The following ZHX3 variants were observed in gnomAD, a reference collection of about 807,000 sequenced individuals.
The protein encoded by ZHX3 is zinc fingers and homeoboxes 3.
ZHX3 carries 20 observed loss-of-function variants against 64.5 expected under a neutral mutation model. The ratio of observed to expected loss-of-function variants is 0.31; its 90% CI spans 0.22 to 0.45. The LOEUF (loss-of-function observed/expected upper bound fraction) is 0.45, where lower values mean the gene tolerates loss of function less well. Among genes scored for constraint, ZHX3 ranks in the 20% least tolerant of loss-of-function variants. The pLI is 1.00. For synonymous variants in ZHX3, 423 were observed against 461.6 expected (o/e 0.92, Z 1.07); for missense variants, 1,041 against 1,195.8 (o/e 0.87, Z 1.91).
chr20:41,305,897 A>T (rs2044965436), intron 1 of ZHX3, among the ~76,000 whole-genome samples: 1 of 152,176 alleles, frequency 6.6e-6, no homozygotes, highest in Non-Finnish European at 1.5e-5. Flanking sequence ...ATCTTCTACT[A>T]TTTACAAAGA....
intron 3 of ZHX3, among the ~76,000 whole-genome samples, chr20:41,186,240 G>C (rs2036512445): frequency 6.6e-6 from 1 of 152,138 alleles, no homozygotes; most frequent in Non-Finnish European, 1.5e-5. Context: ...CCTCATGTAA[G>C]TTGAATGGTA....
At chr20:41,235,629 G>C (rs1045740924) in intron 2 of ZHX3, among the ~76,000 whole-genome samples, 1 of 151,882 alleles carries the variant, frequency 6.6e-6, no homozygotes, top group Non-Finnish European at 1.5e-5. Context: ...TCTCAAAATA[G>C]TAAGAGCTAT....
intron 1 of ZHX3, among the ~76,000 whole-genome samples, chr20:41,275,570 C>G (rs2043339984): frequency 6.6e-6 from 1 of 152,208 alleles, no homozygotes; most frequent in African/African-American, 2.4e-5. Context: ...TGGACTCCTG[C>G]TGGCTGAGTC....
intron 2 of ZHX3, among the ~76,000 whole-genome samples, chr20:41,227,937 G>A (rs1200501374): frequency 1.3e-5 from 2 of 151,974 alleles, no homozygotes; most frequent in African/African-American, 2.4e-5. Context: ...CCTCCCCCAT[G>A]CCAGACTGCC....
chr20:41,258,693 A>G (rs1339151057), intron 2 of ZHX3, among the ~76,000 whole-genome samples: 1 of 152,148 alleles, frequency 6.6e-6, no homozygotes, highest in Non-Finnish European at 1.5e-5. Flanking sequence ...CATGATGTTG[A>G]TATGTCTTAT....
intron 1 of ZHX3, among the ~76,000 whole-genome samples, chr20:41,302,846 A>G (rs992731659): frequency 1.3e-5 from 2 of 152,188 alleles, no homozygotes; most frequent in Non-Finnish European, 1.5e-5. Context: ...AGAAATGTCT[A>G]CTGTTTTAAG....
At chr20:41,289,457 C>A (rs554935813) in intron 1 of ZHX3, among the ~76,000 whole-genome samples, 1 of 152,148 alleles carries the variant, frequency 6.6e-6, no homozygotes, top group South Asian at 2.1e-4. Context: ...TAACGGTGCT[C>A]CTTGTTTTAC....
intron 3 of ZHX3, among the ~76,000 whole-genome samples, chr20:41,192,634 C>T (rs1174946721): frequency 6.6e-6 from 1 of 152,212 alleles, no homozygotes; most frequent in African/African-American, 2.4e-5. Context: ...CTGCAGTAAC[C>T]CAGTCACTTA....
At chr20:41,270,129 C>T (rs1044488394) in intron 1 of ZHX3, among the ~76,000 whole-genome samples, 3 of 152,148 alleles carry the variant, frequency 2.0e-5, no homozygotes, top group East Asian at 1.9e-4. Context: ...CGGTGGCTCA[C>T]GCCTGTAATC....
intron 2 of ZHX3, among the ~76,000 whole-genome samples, chr20:41,220,663 T>G (rs563539210): frequency 2.0e-5 from 3 of 149,526 alleles, no homozygotes; most frequent in East Asian, 2.0e-4. Context: ...TATGATACAG[T>G]TTTTTTTGGT....
rs2039194481 is a variant in ZHX3 at position 41,212,040 on chromosome 20, T to C, written c.-150-6974A>G. 6.6e-6 allele frequency among the ~76,000 whole-genome samples: 1 copy of C among 152,050 alleles called. No individual in the cohort carries two copies. The highest frequency in any genetic ancestry group is 1.5e-5 in the Non-Finnish European group (1 of 68,018). ...CACAAACGACAAAAGAAAAAACAGA[T>C]AAATTGGATGTCATCAAAATTAAAA... On this transcript the variant is annotated intron_variant, in intron 2 of 3. Transcript: ENST00000683867. The surrounding 1 kb of genome is among the most constrained non-coding windows in gnomAD (Gnocchi z 4.3).
Position 41,250,693 on chromosome 20 carries a change from G to A in ZHX3, c.-151+18297C>T, listed in dbSNP as rs1277521955. On this transcript the variant is annotated intron_variant, in intron 2 of 3. Transcript: ENST00000683867. The stretch of plus-strand genomic sequence containing the variant: ...GGACATAAACCTAGATTCAGAAGGT[G>A]AACATATCCCAAATAGGATAAACTC... Among the ~76,000 whole-genome samples, 3 of 152,344 alleles carry A rather than the reference G, an allele frequency of 2.0e-5. No homozygotes were observed. In the East Asian group the frequency reaches 5.8e-4, roughly 29 times the overall value.
rs149591951 is a variant in ZHX3, at chr20:41,287,137, C to T, written c.-244-18054G>A. On this transcript the variant is annotated intron_variant, in intron 1 of 3. Coordinates refer to ENST00000683867, the MANE Select transcript of ZHX3 (RefSeq NM_001384317.1). ...CTGCTGACTTGAGGCCTTTGACTTA[C>T]TATTCATTCTGATTTGAATAACAGG... 4.0e-3 allele frequency among the ~76,000 whole-genome samples: 604 copies of T among 152,280 alleles called. 8 individuals carry two copies. Among genetic ancestry groups the T allele is most frequent in the East Asian group, 0.02 (106 of 5,184 alleles).
chr20:41,279,882 TAAGTG>T (rs1380084505), intron 1 of ZHX3, among the ~76,000 whole-genome samples: 1 of 152,162 alleles, frequency 6.6e-6, no homozygotes, highest in Admixed American at 6.5e-5. Context: ...AATTCAGAGA[TAAGTG>T]AAGCTGGATG....
chr20:41,249,566 G>C (rs2146498773), intron 2 of ZHX3, among the ~76,000 whole-genome samples: 1 of 152,290 alleles, frequency 6.6e-6, no homozygotes, highest in African/African-American at 2.4e-5. Context: ...TCAGTCTGTG[G>C]AGTAAGAAAG....
intron 1 of ZHX3, among the ~76,000 whole-genome samples, chr20:41,304,057 G>A (rs935565133): frequency 6.6e-6 from 1 of 152,086 alleles, no homozygotes; most frequent in African/African-American, 2.4e-5. Flanking sequence ...ACTTAACACT[G>A]CTGTACTCCC....
At chr20:41,302,056 A>C in intron 1 of ZHX3, among the ~76,000 whole-genome samples, 1 of 74,262 alleles carries the variant, frequency 1.3e-5, no homozygotes, top group African/African-American at 8.1e-5. Context: ...TCCATCTCAA[A>C]AAAAAAAAAA....
intron 1 of ZHX3, among the ~76,000 whole-genome samples, chr20:41,305,096 A>G: frequency 6.6e-6 from 1 of 152,248 alleles, no homozygotes; most frequent in Non-Finnish European, 1.5e-5. Context: ...CATGGCAAAG[A>G]AAAGGTCACA....
Position 41,219,279 on chromosome 20 carries a change from C to G in ZHX3, c.-150-14213G>C, listed in dbSNP as rs556253607. Among the ~76,000 whole-genome samples, 1 of 152,156 alleles carries G rather than the reference C, an allele frequency of 6.6e-6. No individual in the cohort carries two copies. Among genetic ancestry groups the G allele is most frequent in the African/African-American group, 2.4e-5 (1 of 41,440 alleles). ...TAATCACCAACAGAAATAGCCCACT[C>G]TAGTCAGATATTATCACCTCTAAAG... On this transcript the variant is annotated intron_variant, in intron 2 of 3. Transcript: ENST00000683867. The surrounding 1 kb of genome is among the most constrained non-coding windows in gnomAD (Gnocchi z 5.0).
Sources: allele counts gnomAD v4.1 joint callset (sites outside exome capture counted in the v4.1 genomes callset), GRCh38; gene constraint gnomAD v4.1.1; non-coding constraint Gnocchi (gnomAD v3.1); transcripts MANE v1.5; gene names NCBI Gene and HGNC (gene_info 2026-07-23, HGNC 2026-07-21).